CCNH: variants seen among roughly 807,000 people sequenced by gnomAD.
CCNH encodes cyclin H, also known as cyclin-H.
A neutral mutation model predicts 41.9 loss-of-function variants in CCNH; 31 were observed. That is an observed-to-expected ratio of 0.74 (90% CI 0.56 to 1.00). The LOEUF (loss-of-function observed/expected upper bound fraction) is 1.00, where lower values mean the gene tolerates loss of function less well. Ranked by LOEUF, CCNH falls within the 50% of genes least tolerant of loss-of-function variation. The pLI, the probability that CCNH is intolerant of heterozygous loss-of-function variation, is 0.00. For missense variants in CCNH, 362 were observed against 388.4 expected (o/e 0.93, Z 0.57); for synonymous variants, 138 against 136.1 (o/e 1.01, Z -0.10).
At chr5:87,379,979 T>C, upstream of CCNH, 3 of 973,896 alleles carry the variant, frequency 3.1e-6, no homozygotes, top group Non-Finnish European at 4.6e-6. Flanking sequence ...TGGTTAATCT[T>C]TATGAGATGA....
At chr5:87,323,087 A>G (rs144804529) in intron 9 of CCNH, among the ~76,000 whole-genome samples, 14 of 152,316 alleles carry the variant, frequency 9.2e-5, no homozygotes, top group African/African-American at 3.1e-4. Context: ...AGAGGTTATA[A>G]TTTGAGCTGA....
At chr5:87,395,794 A>C (rs947651731) in intron 7 of CCNH, among the ~76,000 whole-genome samples, 10 of 152,310 alleles carry the variant, frequency 6.6e-5, no homozygotes, top group African/African-American at 2.2e-4. Flanking sequence ...ACTTGAGCCC[A>C]GAAGGCAGAG....
In CCNH at chr5:87,349,432, TTC is replaced by T; in HGVS notation, c.*91-30537_*91-30536del. 5 of 1,535,836 alleles carry T rather than the reference TTC, an allele frequency of 3.3e-6. No homozygotes were observed. The South Asian group carries it at 5.9e-5, about 18-fold the overall frequency. ...TAGTTGAAATCTTGATAATACAGTA[TTC>T]AGAGTCAAAATTATATAAAAGTTTC... On this transcript the variant is annotated intron_variant and NMD_transcript_variant, in intron 9 of 9. Transcript: ENST00000645953.
Position 87,364,568 on chromosome 5 carries a change from G to A in CCNH, c.*90+28202C>T, listed in dbSNP as rs576768645. ...AAAGAGTTGTTCCAAAAAACACAAAGATTGCGTGAGGACAGGATTTCTTGA... is the reference window on the plus strand; with the variant it reads ...AAAGAGTTGTTCCAAAAAACACAAAAATTGCGTGAGGACAGGATTTCTTGA... On this transcript the variant is annotated intron_variant and NMD_transcript_variant, in intron 9 of 9. Transcript: ENST00000645953. Among the ~76,000 whole-genome samples the A allele has an allele frequency of 4.0e-3, 615 of 152,052 alleles. 6 individuals carry two copies. The highest frequency in any genetic ancestry group is 0.017 in the Middle Eastern group (5 of 294).
intron 9 of CCNH, among the ~76,000 whole-genome samples, chr5:87,328,864 G>A (rs1757415020): frequency 6.6e-6 from 1 of 152,094 alleles, no homozygotes; most frequent in Non-Finnish European, 1.5e-5. Context: ...AATCTGTAAG[G>A]TGTCTGAATC....
At chr5:87,330,810 C>A in intron 9 of CCNH, 1 of 498,600 alleles carries the variant, frequency 2.0e-6, no homozygotes, top group South Asian at 7.2e-5. Context: ...TATCTTAGAG[C>A]CAAAGGGATT....
chr5:87,391,001 G>A (rs185668226), downstream of CCNH: 47 of 1,024,848 alleles, frequency 4.6e-5, no homozygotes, highest in African/African-American at 6.2e-4. Flanking sequence ...TTCCAGTGAT[G>A]TGTGAGCTAT....
rs1763682973 is a variant in CCNH at position 87,404,964 on chromosome 5, G to A, written c.569C>T (p.Thr190Ile). Residue 190 changes from threonine (T) to isoleucine (I), a missense_variant, in exon 5 of 9, where the codon ACA becomes ATA. Physicochemically the swap from Thr to Ile is moderately conservative, Grantham distance 89. Transcript: ENST00000256897. Reference sequence around the variant, plus strand: ...AATTCTATTAAGAAAGTCATCAGCTGTTTTCCTCAAAATCTCTGGATTCTC... The same window carrying A: ...AATTCTATTAAGAAAGTCATCAGCTATTTTCCTCAAAATCTCTGGATTCTC... ...ILENPEILRK[T>I]ADDFLNRIAL... 1 of 1,613,290 alleles carries A rather than the reference G, an allele frequency of 6.2e-7. No individual in the cohort carries two copies. Among genetic ancestry groups the A allele is most frequent in the Non-Finnish European group, 8.5e-7 (1 of 1,179,508 alleles).
chr5:87,368,204 T>C (rs543211568), intron 9 of CCNH, among the ~76,000 whole-genome samples: 10 of 152,294 alleles, frequency 6.6e-5, no homozygotes, highest in African/African-American at 2.4e-4. Flanking sequence ...CCAACCTATA[T>C]ATTTTCTTCT....
At chr5:87,407,584 AT>A (rs936172887) in intron 4 of CCNH, among the ~76,000 whole-genome samples, 1 of 152,204 alleles carries the variant, frequency 6.6e-6, no homozygotes, top group Non-Finnish European at 1.5e-5. Flanking sequence ...TAGTTTAAGA[AT>A]TTTTTATGGT....
At chr5:87,335,225 T>C (rs554954278) in intron 9 of CCNH, among the ~76,000 whole-genome samples, 4 of 152,166 alleles carry the variant, frequency 2.6e-5, no homozygotes, top group East Asian at 1.9e-4. Context: ...GAGAGAATGT[T>C]TGACATTTTT....
chr5:87,368,372 T>G (rs899532192), intron 9 of CCNH, among the ~76,000 whole-genome samples: 1 of 152,182 alleles, frequency 6.6e-6, no homozygotes, highest in Admixed American at 6.5e-5. Flanking sequence ...TTAATTATAA[T>G]TACTTGAAAG....
At chr5:87,409,215 C>G (rs1306024360) in intron 3 of CCNH, 75 bp downstream of exon 3, 1 of 788,792 alleles carries the variant, frequency 1.3e-6, no homozygotes, top group Non-Finnish European at 2.1e-6. Context: ...TCACAATTCT[C>G]TCCTCCCAAA....
rs1407863408 is a variant in CCNH, at chr5:87,383,710, C to T, written c.*90+9060G>A. ...AAAAAAAAAAAATTTCCCTCCCATT[C>T]AGTGGTTTTGTTTTTCTTCGACTCA... On this transcript the variant is annotated intron_variant and NMD_transcript_variant, in intron 9 of 9. Transcript: ENST00000645953. 6 of 1,601,184 alleles carry T rather than the reference C, an allele frequency of 3.7e-6. No homozygotes were observed. In the South Asian group the frequency reaches 5.6e-5, roughly 15 times the overall value.
At chr5:87,381,759 G>GT (rs1761731720), upstream of CCNH, among the ~76,000 whole-genome samples, 3 of 152,250 alleles carry the variant, frequency 2.0e-5, no homozygotes, top group Admixed American at 2.0e-4. Flanking sequence ...CTATAAATTT[G>GT]TAAGTTTCAA....
chr5:87,333,222 T>C, intron 9 of CCNH: 2 of 1,604,006 alleles, frequency 1.2e-6, no homozygotes, highest in South Asian at 2.2e-5. Flanking sequence ...GACTTTAAGA[T>C]AAAAAGACTA....
intron 4 of CCNH, among the ~76,000 whole-genome samples, chr5:87,406,567 C>G (rs1434238764): frequency 6.6e-6 from 1 of 151,980 alleles, no homozygotes; most frequent in East Asian, 1.9e-4. Context: ...TCAGGAAATT[C>G]TCATTGGAGC....
intron 9 of CCNH, among the ~76,000 whole-genome samples, chr5:87,320,428 A>G (rs1412076484): frequency 6.6e-6 from 1 of 152,234 alleles, no homozygotes. Context: ...GAAAAGGTTT[A>G]ATTGACTCAC....
exon 1 of CCNH, chr5:87,376,722 A>G: frequency 8.1e-7 from 1 of 1,229,662 alleles, no homozygotes; most frequent in Non-Finnish European, 1.1e-6. Flanking sequence ...TTTTGGTAGA[A>G]ATAAGTAGAC....
Sources: allele counts gnomAD v4.1 joint callset (sites outside exome capture counted in the v4.1 genomes callset), GRCh38; gene constraint gnomAD v4.1.1; transcripts MANE v1.5; gene names NCBI Gene and HGNC (gene_info 2026-07-23, HGNC 2026-07-21).